The following ADGB variants were observed in gnomAD, a reference collection of about 807,000 sequenced individuals.
ADGB encodes androglobin.
ADGB carries 172 observed loss-of-function variants against 210.5 expected under a neutral mutation model. The ratio of observed to expected loss-of-function variants is 0.82; its 90% confidence interval spans 0.72 to 0.93. The LOEUF (loss-of-function observed/expected upper bound fraction) is 0.93, where lower values mean the gene tolerates loss of function less well. Ranked by LOEUF, ADGB falls within the 40% of genes least tolerant of loss-of-function variation. The pLI, the probability that ADGB is intolerant of heterozygous loss-of-function variation, is 0.00. For synonymous variants in ADGB, 658 were observed against 662.7 expected (o/e 0.99, Z 0.11); for missense variants, 2,025 against 1,964.8 (o/e 1.03, Z -0.58).
At chr6:146,729,234 C>G (rs1345184209) in intron 20 of ADGB, among the ~76,000 whole-genome samples, 1 of 152,226 alleles carries the variant, frequency 6.6e-6, no homozygotes, top group East Asian at 1.9e-4. Context: ...GACCTGTCCA[C>G]TGCAGCTGCA....
intron 35 of ADGB, among the ~76,000 whole-genome samples, chr6:146,804,585 C>G (rs1055303942): frequency 1.3e-5 from 2 of 152,142 alleles, no homozygotes. Context: ...TCCCCACGTG[C>G]GATCAATTGT....
chr6:146,760,315 G>T (rs1206561255), intron 27 of ADGB, among the ~76,000 whole-genome samples: 1 of 151,716 alleles, frequency 6.6e-6, no homozygotes, highest in Non-Finnish European at 1.5e-5. Context: ...CAATAGACTA[G>T]CTTTGCCTGT....
At chr6:146,737,405 G>GA (rs1016619458) in intron 23 of ADGB, among the ~76,000 whole-genome samples, 2 of 152,108 alleles carry the variant, frequency 1.3e-5, no homozygotes, top group African/African-American at 4.8e-5. Flanking sequence ...AAAATGAATG[G>GA]AAAATAGCGT....
At chr6:146,698,654 A>T (rs1463075304) in intron 12 of ADGB, among the ~76,000 whole-genome samples, 1 of 152,172 alleles carries the variant, frequency 6.6e-6, no homozygotes, top group Non-Finnish European at 1.5e-5. Context: ...ACAGCTTTAT[A>T]ACCAGAAAAA....
intron 25 of ADGB, among the ~76,000 whole-genome samples, chr6:146,743,754 T>C (rs1458146131): frequency 6.6e-6 from 1 of 151,992 alleles, no homozygotes; most frequent in Non-Finnish European, 1.5e-5. Flanking sequence ...TCTCTACTAA[T>C]AATACAAAAA....
At chr6:146,685,560 CA>C (rs898473646) in intron 9 of ADGB, among the ~76,000 whole-genome samples, 173 bp from the exon 10 acceptor site, 1 of 151,944 alleles carries the variant, frequency 6.6e-6, no homozygotes. Flanking sequence ...AGACAGGCTA[CA>C]AAATAGATAC....
intron 33 of ADGB, among the ~76,000 whole-genome samples, chr6:146,792,411 C>T (rs996819734): frequency 2.0e-5 from 3 of 152,040 alleles, no homozygotes; most frequent in Admixed American, 6.5e-5. Context: ...ATATTTTCTC[C>T]AAGGCTGCAC....
chr6:146,640,303 T>G (rs952036147), intron 2 of ADGB, among the ~76,000 whole-genome samples: 1 of 151,904 alleles, frequency 6.6e-6, no homozygotes, highest in African/African-American at 2.4e-5. Context: ...CGGGACCTGA[T>G]GGATTAACAG....
chr6:146,724,398 A>G (rs1583607553), intron 18 of ADGB, 71 bp downstream of exon 18: 4 of 1,423,298 alleles, frequency 2.8e-6, no homozygotes, highest in Non-Finnish European at 3.7e-6. Context: ...TTACTAAAGA[A>G]GTAAACAATA....
chr6:146,706,405 G>A (rs1214766402), intron 13 of ADGB, among the ~76,000 whole-genome samples: 1 of 151,752 alleles, frequency 6.6e-6, no homozygotes, highest in African/African-American at 2.4e-5. Flanking sequence ...GGCTACAAGT[G>A]CATGCCACCA....
intron 16 of ADGB, 29 bp downstream of exon 16, chr6:146,717,628 C>T (rs1776754701): frequency 1.6e-6 from 2 of 1,239,166 alleles, no homozygotes; most frequent in Non-Finnish European, 2.2e-6. Flanking sequence ...TTTCTATTCT[C>T]TTTAAATTTT....
chr6:146,689,419 T>C (rs917961819), intron 10 of ADGB, among the ~76,000 whole-genome samples: 1 of 152,168 alleles, frequency 6.6e-6, no homozygotes, highest in African/African-American at 2.4e-5. Context: ...TTTAAATTTC[T>C]TGTGCCAAAA....
At chr6:146,727,689 A>G (rs2114579355) in intron 19 of ADGB, among the ~76,000 whole-genome samples, 1 of 152,334 alleles carries the variant, frequency 6.6e-6, no homozygotes, top group South Asian at 2.1e-4. Context: ...AGAGAGACTA[A>G]TGCTACTTAG....
At chr6:146,688,489 G>A (rs952163336) in intron 10 of ADGB, among the ~76,000 whole-genome samples, 2 of 152,102 alleles carry the variant, frequency 1.3e-5, no homozygotes, top group Non-Finnish European at 2.9e-5. Flanking sequence ...TGGGTTCAAG[G>A]AACTACTAGA....
At chr6:146,658,691 A>G (rs1455393975) in intron 5 of ADGB, among the ~76,000 whole-genome samples, 2 of 152,176 alleles carry the variant, frequency 1.3e-5, no homozygotes, top group African/African-American at 2.4e-5. Flanking sequence ...AATCATACTG[A>G]TTATTCACAA....
At chr6:146,638,546 A>C (rs28377498) in intron 2 of ADGB, among the ~76,000 whole-genome samples, 1 of 144,212 alleles carries the variant, frequency 6.9e-6, no homozygotes, top group Non-Finnish European at 1.5e-5. Flanking sequence ...TAGGTGGGAA[A>C]TGAACAATGA....
At chr6:146,786,400 G>A (rs1299413242) in intron 32 of ADGB, among the ~76,000 whole-genome samples, 2 of 151,740 alleles carry the variant, frequency 1.3e-5, no homozygotes, top group African/African-American at 2.4e-5. Context: ...GGCAGAAGGC[G>A]TTCACATCCC....
intron 8 of ADGB, 106 bp downstream of exon 8, chr6:146,672,573 C>T: frequency 1.5e-5 from 20 of 1,307,654 alleles, no homozygotes; most frequent in Non-Finnish European, 2.0e-5. Flanking sequence ...ATCCAGACCC[C>T]AAGAGAGGGT....
chr6:146,746,064 AAATCCGAG>A lies in ADGB; in HGVS notation c.3322_3329del (p.Ile1108LeufsTer6). ...CCATGCAATTCCTTTGCCATAAAGG[AAATCCGAG>A]ATTACTACATACCCAATGATAAGAA... On this transcript the variant is annotated frameshift_variant, in exon 26 of 36. Transcript: ENST00000397944. LOFTEE classifies it high-confidence loss of function. 1 of 1,550,836 alleles carries A rather than the reference AAATCCGAG, an allele frequency of 6.4e-7. No homozygotes were observed. The highest frequency in any genetic ancestry group is 8.7e-7 in the Non-Finnish European group (1 of 1,146,416).
Sources: allele counts gnomAD v4.1 joint callset (sites outside exome capture counted in the v4.1 genomes callset), GRCh38; gene constraint gnomAD v4.1.1; transcripts MANE v1.5; gene names NCBI Gene and HGNC (gene_info 2026-07-23, HGNC 2026-07-21).